The following FAM120A variants were observed in gnomAD, a reference collection of about 807,000 sequenced individuals.
The protein encoded by FAM120A is family with sequence similarity 120 member A.
Under a neutral mutation model 109.7 loss-of-function variants are expected in FAM120A, and 15 were observed. The observed-to-expected ratio is 0.14, with a 90% confidence interval of 0.09 to 0.21. The LOEUF (loss-of-function observed/expected upper bound fraction) is 0.21, where lower values mean the gene tolerates loss of function less well. FAM120A is among the 10% of genes least tolerant of loss of function. FAM120A has a pLI of 1.00. For missense variants in FAM120A, 899 were observed against 1,439.3 expected, an observed-to-expected ratio of 0.62 and a Z score of 6.07; for synonymous variants, 493 against 572.8, an observed-to-expected ratio of 0.86 and a Z score of 1.99.
intron 5 of FAM120A, among the ~76,000 whole-genome samples, chr9:93,501,678 C>A (rs879293157): frequency 2.6e-5 from 4 of 152,026 alleles, no homozygotes; most frequent in Non-Finnish European, 4.4e-5. Flanking sequence ...GAAGTTTGGG[C>A]AGTGTAGAAT....
chr9:93,491,821 T>A (rs1455350523), intron 3 of FAM120A, among the ~76,000 whole-genome samples: 1 of 149,386 alleles, frequency 6.7e-6, no homozygotes, highest in Non-Finnish European at 1.5e-5. Flanking sequence ...TTTTTTTTTT[T>A]AAATGTTAAG....
At chr9:93,526,521 T>C (rs553183990) in intron 7 of FAM120A, among the ~76,000 whole-genome samples, 3 of 152,256 alleles carry the variant, frequency 2.0e-5, no homozygotes, top group Admixed American at 6.5e-5. Context: ...CTTTTTTTTT[T>C]CACTACTTTG....
intron 7 of FAM120A, among the ~76,000 whole-genome samples, chr9:93,520,131 A>C (rs1588875691): frequency 6.6e-6 from 1 of 152,210 alleles, no homozygotes; most frequent in Non-Finnish European, 1.5e-5. Context: ...CTCTGCCGAA[A>C]GTGCTGGGAT....
intron 1 of FAM120A, among the ~76,000 whole-genome samples, chr9:93,467,888 C>CT (rs371071928): frequency 1.4e-4 from 20 of 147,814 alleles, no homozygotes; most frequent in African/African-American, 3.2e-4. Flanking sequence ...TTTTTGGTTT[C>CT]TTTTTTTTTT....
At chr9:93,557,518 G>GTT (rs1053974109) in intron 13 of FAM120A, among the ~76,000 whole-genome samples, 1 of 152,200 alleles carries the variant, frequency 6.6e-6, no homozygotes, top group African/African-American at 2.4e-5. Context: ...AAGGATTCTT[G>GTT]TTTTCAGTAT....
intron 7 of FAM120A, among the ~76,000 whole-genome samples, chr9:93,526,568 C>T (rs556668214): frequency 3.6e-4 from 55 of 152,024 alleles, no homozygotes; most frequent in Non-Finnish European, 6.8e-4. Flanking sequence ...TTCCCATGAA[C>T]TCCCTGTTCT....
At chr9:93,487,107 C>T (rs1235097857) in intron 3 of FAM120A, among the ~76,000 whole-genome samples, 1 of 152,026 alleles carries the variant, frequency 6.6e-6, no homozygotes, top group African/African-American at 2.4e-5. Context: ...CTCTTCAAAT[C>T]CTTTGCTCAT....
At chr9:93,481,234 G>T (rs959349767) in intron 3 of FAM120A, among the ~76,000 whole-genome samples, 1 of 152,254 alleles carries the variant, frequency 6.6e-6, no homozygotes, top group South Asian at 2.1e-4. Flanking sequence ...TTTTCAAAAT[G>T]TGACTTTTGG....
intron 1 of FAM120A, chr9:93,453,465 T>G: frequency 1.0e-6 from 1 of 985,482 alleles, no homozygotes; most frequent in Non-Finnish European, 1.2e-6. Flanking sequence ...CTCTTGACAC[T>G]CGGTCTTCCA....
chr9:93,453,966 AAT>A (rs1470788309), intron 1 of FAM120A, among the ~76,000 whole-genome samples: 1 of 152,346 alleles, frequency 6.6e-6, no homozygotes, highest in African/African-American at 2.4e-5. Context: ...GAACACTGTG[AAT>A]ATTACTTAGG....
chr9:93,479,931 C>T (rs1311196637), intron 3 of FAM120A, among the ~76,000 whole-genome samples: 1 of 152,154 alleles, frequency 6.6e-6, no homozygotes, highest in Non-Finnish European at 1.5e-5. Context: ...CTCAGAAGCA[C>T]AAGGGAGAAC....
At chr9:93,547,866 G>T (rs1193738041) in intron 11 of FAM120A, among the ~76,000 whole-genome samples, 1 of 152,150 alleles carries the variant, frequency 6.6e-6, no homozygotes, top group African/African-American at 2.4e-5. Flanking sequence ...ATGTATGTAT[G>T]TATGTACCTA....
chr9:93,523,338 C>T, intron 7 of FAM120A: 1 of 1,289,180 alleles, frequency 7.8e-7, no homozygotes, highest in Non-Finnish European at 1.0e-6. Context: ...TTCCATCGTG[C>T]TCTGCTCCAG....
At chr9:93,561,750 TTTAA>T (rs1381931107) in intron 16 of FAM120A, among the ~76,000 whole-genome samples, 2 of 151,742 alleles carry the variant, frequency 1.3e-5, no homozygotes, top group East Asian at 1.9e-4. Context: ...TATGTAATTA[TTTAA>T]TTAACCATTA....
chr9:93,494,326 TC>T (rs1859475680), intron 3 of FAM120A, among the ~76,000 whole-genome samples: 1 of 152,202 alleles, frequency 6.6e-6, no homozygotes, highest in Admixed American at 6.5e-5. Context: ...ACCGTCACCA[TC>T]CACATTCTTC....
At chr9:93,512,239 A>C (rs750668034) in intron 5 of FAM120A, among the ~76,000 whole-genome samples, 2 of 152,228 alleles carry the variant, frequency 1.3e-5, no homozygotes, top group African/African-American at 2.4e-5. Flanking sequence ...GGCCGACTGT[A>C]GTTCTAAGAA....
chr9:93,505,146 C>T (rs1163458312), intron 5 of FAM120A, among the ~76,000 whole-genome samples: 1 of 147,272 alleles, frequency 6.8e-6, no homozygotes, highest in African/African-American at 2.5e-5. Flanking sequence ...CTGCAAGCTC[C>T]GCCTCCCAGG....
intron 11 of FAM120A, among the ~76,000 whole-genome samples, chr9:93,545,885 A>G (rs1340251395): frequency 7.1e-6 from 1 of 141,314 alleles, no homozygotes; most frequent in Non-Finnish European, 1.5e-5. Flanking sequence ...TCCTGGGTTC[A>G]AGTGATTCTC....
rs1197128504 is a variant in FAM120A at position 93,532,691 on chromosome 9, C to T, written c.1909+362C>T. ...TCTGTGCTCTGGTTTTCATGAAGCA[C>T]AGATCTGCTCTCTCCAGAAGGCCAG... On this transcript the variant is annotated intron_variant, in intron 10 of 17. Coordinates refer to ENST00000277165, the MANE Select transcript of FAM120A (RefSeq NM_014612.5). This position sits in a 1 kb window ranked among gnomAD's most constrained non-coding sequence, Gnocchi z 4.3. 2 of 271,432 alleles carry T rather than the reference C, an allele frequency of 7.4e-6. No homozygotes were observed. The highest frequency in any genetic ancestry group is 3.8e-5 in the South Asian group (1 of 26,358). The allele number at this position is 271,432 out of a possible 1,614,324, so 16.8% of individuals were successfully genotyped here. A position where few individuals can be genotyped will look rare whatever the true frequency, so the allele number is the denominator to read the frequency against.
Sources: gnomAD v4.1 joint callset for allele counts (sites outside exome capture counted in the v4.1 genomes callset) on GRCh38, gnomAD v4.1.1 for gene constraint, Gnocchi (gnomAD v3.1) non-coding constraint, MANE v1.5 for transcripts, NCBI Gene and HGNC (gene_info 2026-07-23, HGNC 2026-07-21) for gene names.